The following PTPRN2 variants were observed in gnomAD, a reference collection of about 807,000 sequenced individuals.
The protein encoded by PTPRN2 is protein tyrosine phosphatase receptor type N2.
A neutral mutation model predicts 118.8 loss-of-function variants in PTPRN2; 74 were observed. That is an observed-to-expected ratio of 0.62 (90% confidence interval 0.52 to 0.76). The LOEUF (loss-of-function observed/expected upper bound fraction) is 0.76. PTPRN2 is among the 30% of genes least tolerant of loss of function. The probability of loss-of-function intolerance (pLI) is 0.00; values close to 1 mark genes in which losing one functional copy is unlikely to be tolerated. For missense variants in PTPRN2, 1,481 were observed against 1,394.4 expected (o/e 1.06, Z -0.99); for synonymous variants, 641 against 608.0 (o/e 1.05, Z -0.80).
intron 2 of PTPRN2, among the ~76,000 whole-genome samples, chr7:158,452,157 A>G (rs1818133680): frequency 6.6e-6 from 1 of 152,154 alleles, no homozygotes; most frequent in African/African-American, 2.4e-5. Context: ...TAAGTGTCCC[A>G]TCACTGCAAA....
chr7:157,733,441 GC>G (rs564183598), intron 12 of PTPRN2, among the ~76,000 whole-genome samples: 6 of 61,200 alleles, frequency 9.8e-5, no homozygotes, highest in Non-Finnish European at 1.7e-4. Flanking sequence ...TCCGTCCCAT[GC>G]GCCCAGCACA....
intron 12 of PTPRN2, among the ~76,000 whole-genome samples, chr7:157,776,472 T>C (rs1803270836): frequency 7.6e-6 from 1 of 130,752 alleles, no homozygotes; most frequent in African/African-American, 3.2e-5. Context: ...CCTCTCCTTC[T>C]CCCTCTCCTC....
At chr7:158,494,723 C>A (rs1821702980) in intron 1 of PTPRN2, among the ~76,000 whole-genome samples, 1 of 152,164 alleles carries the variant, frequency 6.6e-6, no homozygotes, top group Admixed American at 6.5e-5. Flanking sequence ...AACGGGAACG[C>A]CAGGACCCCG....
At position 157,583,043 on chromosome 7, in the gene PTPRN2, A is replaced by G. The variant is rs1800480868; in HGVS notation, c.2497-4903T>C. On this transcript the variant is annotated intron_variant, in intron 17 of 22. Transcript: ENST00000389418. This position sits in a 1 kb window ranked among gnomAD's most constrained non-coding sequence, Gnocchi z 5.5. ...GCACCCCTTTGTTTATTGCAGAACT[A>G]TTCACAATAAACAAGATTTGGAACA... 6.6e-6 allele frequency among the ~76,000 whole-genome samples: 1 copy of G among 152,146 alleles called. No homozygotes were observed. The highest frequency in any genetic ancestry group is 1.5e-5 in the Non-Finnish European group (1 of 67,998).
chr7:157,605,002 G>A (rs1408622584), intron 15 of PTPRN2, among the ~76,000 whole-genome samples: 1 of 152,242 alleles, frequency 6.6e-6, no homozygotes, highest in Non-Finnish European at 1.5e-5. Context: ...TGCAAGGTGC[G>A]CTTTGTGTTA....
rs1797963594 is a variant in PTPRN2, at chr7:157,540,491, C to A, written c.*223G>T. On this transcript the variant is annotated 3_prime_UTR_variant, in exon 23 of 23. Coordinates refer to ENST00000389418, the MANE Select transcript of PTPRN2 (RefSeq NM_002847.5). ...TTTTAAGCAAGTGAAAATTGATGAACCGATTCCCCTCCACCCGTAACTGGA... is the reference window on the plus strand; with the variant it reads ...TTTTAAGCAAGTGAAAATTGATGAAACGATTCCCCTCCACCCGTAACTGGA... 2.5e-6 allele frequency: 1 copy of A among 405,568 alleles called. No individual in the cohort carries two copies. The allele number at this position is 405,568 out of a possible 1,614,324, so 25.1% of individuals were successfully genotyped here. A position where few individuals can be genotyped will look rare whatever the true frequency, so the allele number is the denominator to read the frequency against.
At chr7:158,187,721 C>G (rs752062056) in intron 5 of PTPRN2, among the ~76,000 whole-genome samples, 1 of 152,090 alleles carries the variant, frequency 6.6e-6, no homozygotes, top group African/African-American at 2.4e-5. Context: ...TCTGAATAAC[C>G]GTTTGACAGC....
At chr7:158,235,287 T>C (rs993943835) in intron 3 of PTPRN2, among the ~76,000 whole-genome samples, 1 of 152,222 alleles carries the variant, frequency 6.6e-6, no homozygotes, top group Non-Finnish European at 1.5e-5. Flanking sequence ...AAGAGATATC[T>C]GCATGCCTGT....
intron 3 of PTPRN2, among the ~76,000 whole-genome samples, chr7:158,289,457 TTTTCA>T (rs1350110890): frequency 2.6e-5 from 4 of 152,328 alleles, no homozygotes; most frequent in African/African-American, 7.2e-5. Context: ...TCTACTGCAT[TTTTCA>T]TTTCATTTAT....
intron 11 of PTPRN2, among the ~76,000 whole-genome samples, chr7:157,993,401 T>C (rs1300671988): frequency 6.6e-6 from 1 of 151,850 alleles, no homozygotes; most frequent in East Asian, 1.9e-4. Context: ...CCGTACCTGG[T>C]CAGAGCCAGG....
intron 11 of PTPRN2, among the ~76,000 whole-genome samples, chr7:157,968,055 C>T (rs1406571189): frequency 6.6e-6 from 1 of 152,186 alleles, no homozygotes; most frequent in African/African-American, 2.4e-5. Context: ...TGGATGTTTA[C>T]CCAGTACCAC....
chr7:158,486,240 G>A (rs556343035), intron 2 of PTPRN2, among the ~76,000 whole-genome samples: 1 of 152,342 alleles, frequency 6.6e-6, no homozygotes, highest in African/African-American at 2.4e-5. Flanking sequence ...GATCACGTCA[G>A]GCCATGCTCC....
intron 5 of PTPRN2, among the ~76,000 whole-genome samples, chr7:158,188,731 G>A (rs1188676446): frequency 4.8e-5 from 7 of 145,296 alleles, no homozygotes; most frequent in East Asian, 4.3e-4. Flanking sequence ...AGGCCGCCAC[G>A]CTCGCCGCCT....
Position 157,540,776 on chromosome 7 carries a change from C to CA in PTPRN2, c.2985dup (p.Glu996Ter). The CA allele has an allele frequency of 1.9e-6, 3 of 1,565,740 alleles. No individual in the cohort carries two copies. The highest frequency in any genetic ancestry group is 2.6e-6 in the Non-Finnish European group (3 of 1,154,792). ...TCAGCCACGGCTGTCAGCGCGAACT[C>CA]AAACTGCTCCTGCAGGGCGAGAAAC... On this transcript the variant is annotated frameshift_variant, in exon 23 of 23. Coordinates refer to ENST00000389418, the MANE Select transcript of PTPRN2 (RefSeq NM_002847.5). LOFTEE classifies it high-confidence loss of function.
chr7:158,193,467 G>A (rs561569445), intron 4 of PTPRN2, among the ~76,000 whole-genome samples: 38 of 152,266 alleles, frequency 2.5e-4, no homozygotes, highest in Admixed American at 5.2e-4. Flanking sequence ...AACAGGCCCC[G>A]GAGAGACAGA....
Position 158,587,755 on chromosome 7 carries a change from G to A in PTPRN2, c.-86C>T, listed in dbSNP as rs1829070564. Reference sequence around the variant, plus strand: ...CGAGTCCGGGCCCAGGGAGGCGCGCGCCGCCGGCTCCTCCCGCCGCGCCTC... The same window carrying A: ...CGAGTCCGGGCCCAGGGAGGCGCGCACCGCCGGCTCCTCCCGCCGCGCCTC... On this transcript the variant is annotated 5_prime_UTR_variant, in exon 1 of 23. Coordinates refer to ENST00000389418, the MANE Select transcript of PTPRN2 (RefSeq NM_002847.5). The A allele has an allele frequency of 9.4e-7, 1 of 1,059,274 alleles. No homozygotes were observed. 65.6% of individuals were successfully genotyped at this position (1,059,274 alleles called of 1,614,324 possible). A position where few individuals can be genotyped will look rare whatever the true frequency, so the allele number is the denominator to read the frequency against.
chr7:157,743,955 G>A (rs530384905), intron 12 of PTPRN2, among the ~76,000 whole-genome samples: 2 of 152,362 alleles, frequency 1.3e-5, no homozygotes, highest in South Asian at 2.1e-4. Flanking sequence ...CACGTTGCAT[G>A]TGTCGTGGTG....
chr7:158,089,232 G>C (rs529575641), intron 10 of PTPRN2, among the ~76,000 whole-genome samples: 1 of 24,086 alleles, frequency 4.2e-5, no homozygotes, highest in Non-Finnish European at 1.1e-4. Flanking sequence ...CTTCCCCTGA[G>C]GAAAGAGGGA....
chr7:157,758,023 G>A (rs1801900446), intron 12 of PTPRN2, among the ~76,000 whole-genome samples: 1 of 152,262 alleles, frequency 6.6e-6, no homozygotes, highest in Admixed American at 6.5e-5. Flanking sequence ...GAAGCCAGGG[G>A]TTTGCGGGAG....
Sources: gnomAD v4.1 joint callset for allele counts (sites outside exome capture counted in the v4.1 genomes callset) on GRCh38, gnomAD v4.1.1 for gene constraint, Gnocchi (gnomAD v3.1) non-coding constraint, MANE v1.5 for transcripts, NCBI Gene and HGNC (gene_info 2026-07-23, HGNC 2026-07-21) for gene names.